The following NTRK2 variants were observed in gnomAD, a reference collection of about 807,000 sequenced individuals.
NTRK2 encodes the protein BDNF/NT-3 growth factors receptor.
NTRK2 carries 13 observed loss-of-function variants against 94.5 expected under a neutral mutation model. That is an observed-to-expected ratio of 0.14 (90% CI 0.09 to 0.22). The LOEUF is 0.22. Ranked by LOEUF, NTRK2 falls within the 10% of genes least tolerant of loss-of-function variation. The probability of loss-of-function intolerance (pLI) is 1.00; values close to 1 mark genes in which losing one functional copy is unlikely to be tolerated. For missense variants in NTRK2, 639 were observed against 1,071.2 expected, an observed-to-expected ratio of 0.60 and a Z score of 5.63; for synonymous variants, 372 against 407.4, an observed-to-expected ratio of 0.91 and a Z score of 1.05.
Position 84,904,693 on chromosome 9 carries a change from T to C in NTRK2, c.1634-29469T>C, listed in dbSNP as rs74423004. On this transcript the variant is annotated intron_variant, in intron 14 of 18. Coordinates refer to ENST00000277120, the MANE Select transcript of NTRK2 (RefSeq NM_006180.6). The stretch of plus-strand genomic sequence containing the variant: ...ATATGCTTGTTGACTATAAAGTTGG[T>C]TTTTTGAAACTCACATTACCCCTAT... Among the ~76,000 whole-genome samples the C allele has an allele frequency of 4.6e-3, 707 of 152,278 alleles. 12 individuals are homozygous for C. The highest frequency in any genetic ancestry group is 0.037 in the Admixed American group (573 of 15,280).
At chr9:84,853,293 A>C (rs943687119) in intron 12 of NTRK2, among the ~76,000 whole-genome samples, 1 of 152,188 alleles carries the variant, frequency 6.6e-6, no homozygotes, top group Non-Finnish European at 1.5e-5. Context: ...AACAGAGTCC[A>C]TGAAGGGGGA....
At chr9:84,798,381 A>G (rs1035113350) in intron 12 of NTRK2, among the ~76,000 whole-genome samples, 1 of 152,140 alleles carries the variant, frequency 6.6e-6, no homozygotes, top group East Asian at 1.9e-4. Flanking sequence ...ATTAATTTTC[A>G]TATCAAAACA....
intron 9 of NTRK2, among the ~76,000 whole-genome samples, chr9:84,729,387 T>C (rs2132104992): frequency 6.6e-6 from 1 of 152,342 alleles, no homozygotes; most frequent in East Asian, 1.9e-4. Context: ...TTCCTCTTAA[T>C]TGAGAGTTTA....
At chr9:84,922,375 G>C (rs1488323357) in intron 14 of NTRK2, among the ~76,000 whole-genome samples, 3 of 152,184 alleles carry the variant, frequency 2.0e-5, no homozygotes, top group African/African-American at 7.2e-5. Flanking sequence ...CAAAGGATTT[G>C]CTTCTTCTAA....
intron 14 of NTRK2, among the ~76,000 whole-genome samples, chr9:84,902,367 A>T (rs2076957021): frequency 1.3e-5 from 2 of 152,102 alleles, no homozygotes; most frequent in Non-Finnish European, 2.9e-5. Flanking sequence ...TGCTGTAAGA[A>T]TGTGAGAATT....
rs77960527 is a variant in NTRK2 at position 84,871,506 on chromosome 9, T to C, written c.1633+4075T>C. Among the ~76,000 whole-genome samples the C allele has an allele frequency of 4.6e-3, 708 of 152,334 alleles. 13 individuals carry two copies. Among genetic ancestry groups the C allele is most frequent in the Admixed American group, 0.038 (576 of 15,284 alleles). ...TTTTATAAATGATGCTCAAAAGTGG[T>C]TTGTCCAGAGTGACACAAGCTCAAT... On this transcript the variant is annotated intron_variant, in intron 14 of 18. Transcript: ENST00000277120.
intron 14 of NTRK2, among the ~76,000 whole-genome samples, chr9:84,884,693 A>G (rs1414786686): frequency 1.3e-5 from 2 of 152,226 alleles, no homozygotes; most frequent in East Asian, 1.9e-4. Context: ...TTATCTTGCA[A>G]TACAACCACT....
intron 14 of NTRK2, among the ~76,000 whole-genome samples, chr9:84,917,206 T>C (rs375321798): frequency 3.3e-5 from 5 of 152,358 alleles, no homozygotes; most frequent in South Asian, 4.1e-4. Flanking sequence ...TACACCATCA[T>C]ACATTATGTA....
At position 84,944,802 on chromosome 9, in the gene NTRK2, C is replaced by T. The variant is rs115557978; in HGVS notation, c.1765-3660C>T. On this transcript the variant is annotated intron_variant, in intron 15 of 18. Coordinates refer to ENST00000277120, the MANE Select transcript of NTRK2 (RefSeq NM_006180.6). ...CTTCTTGGATTCTTACGTGAGCAAA[C>T]TGAATACAAGACTGGTTGTGGTTTC... is the stretch of plus-strand genomic sequence containing the variant. Among the ~76,000 whole-genome samples, 677 of 152,348 alleles carry T rather than the reference C, an allele frequency of 4.4e-3. 6 individuals carry two copies. The highest frequency in any genetic ancestry group is 0.015 in the African/African-American group (631 of 41,578).
intron 12 of NTRK2, among the ~76,000 whole-genome samples, chr9:84,781,431 T>G (rs2067552559): frequency 6.6e-6 from 1 of 152,346 alleles, no homozygotes; most frequent in Non-Finnish European, 1.5e-5. Flanking sequence ...ACTTTTTTCT[T>G]ACTCATATAA....
intron 6 of NTRK2, among the ~76,000 whole-genome samples, chr9:84,715,712 T>G (rs1490666324): frequency 6.6e-6 from 1 of 152,132 alleles, no homozygotes; most frequent in Non-Finnish European, 1.5e-5. Flanking sequence ...GATTATCATC[T>G]CGTATAAAAA....
At chr9:84,889,115 C>T (rs942442753) in intron 14 of NTRK2, among the ~76,000 whole-genome samples, 3 of 148,538 alleles carry the variant, frequency 2.0e-5, no homozygotes, top group Admixed American at 6.8e-5. Flanking sequence ...CTCAGCCTCC[C>T]GAGTAGCTGG....
At chr9:84,787,851 A>G (rs2068280238) in intron 12 of NTRK2, among the ~76,000 whole-genome samples, 1 of 152,190 alleles carries the variant, frequency 6.6e-6, no homozygotes, top group Non-Finnish European at 1.5e-5. Flanking sequence ...CTAACTTACC[A>G]GTGAAGAGCA....
chr9:84,995,275 A>G (rs1156949916), intron 17 of NTRK2, among the ~76,000 whole-genome samples: 3 of 151,966 alleles, frequency 2.0e-5, no homozygotes, highest in Non-Finnish European at 4.4e-5. Flanking sequence ...AAGAGTGACT[A>G]CATACTGTTT....
chr9:84,936,271 T>A (rs948213104), intron 15 of NTRK2, among the ~76,000 whole-genome samples: 11 of 152,212 alleles, frequency 7.2e-5, no homozygotes, highest in African/African-American at 1.9e-4. Flanking sequence ...GCAATACCTT[T>A]AAGGAGAGTG....
chr9:84,867,250 C>T lies in NTRK2; in HGVS notation c.1452C>T (p.Ala484=), dbSNP rs767129204. 2.5e-6 allele frequency: 4 copies of T among 1,613,978 alleles called. No homozygotes were observed. The highest frequency in any genetic ancestry group is 3.4e-6 in the Non-Finnish European group (4 of 1,179,890). The change falls in exon 14 of 19, where the codon GCC becomes GCT. Residue 484 remains alanine (A), a synonymous_variant. Transcript: ENST00000277120. ...KVKSRQGVGP[A]SVISNDDDSA... The stretch of plus-strand genomic sequence containing the variant: ...ATATTTTTCCATCTCCAGGCCCAGC[C>T]TCCGTTATCAGCAATGATGATGACT...
chr9:84,806,008 T>C (rs2071069142), intron 12 of NTRK2, among the ~76,000 whole-genome samples: 4 of 152,244 alleles, frequency 2.6e-5, no homozygotes, highest in Admixed American at 2.6e-4. Flanking sequence ...ATTACCCAGT[T>C]TCAGATATTC....
intron 12 of NTRK2, among the ~76,000 whole-genome samples, chr9:84,806,134 T>C (rs965593911): frequency 6.6e-6 from 1 of 152,184 alleles, no homozygotes. Flanking sequence ...ATGTTGAGCA[T>C]AGAAAATGTA....
At chr9:85,012,685 C>T (rs551126737) in intron 17 of NTRK2, among the ~76,000 whole-genome samples, 1 of 152,038 alleles carries the variant, frequency 6.6e-6, no homozygotes, top group African/African-American at 2.4e-5. Context: ...TTATTATAAT[C>T]ATTTCTATCA....
Sources: gnomAD v4.1 joint callset for allele counts (sites outside exome capture counted in the v4.1 genomes callset) on GRCh38, gnomAD v4.1.1 for gene constraint, MANE v1.5 for transcripts, NCBI Gene and HGNC (gene_info 2026-07-23, HGNC 2026-07-21) for gene names.